CDK13: variants seen among roughly 807,000 people sequenced by gnomAD.
CDK13 encodes cyclin-dependent kinase 13.
A neutral mutation model predicts 137.6 loss-of-function variants in CDK13; 40 were observed. The observed-to-expected ratio is 0.29, with a 90% CI of 0.23 to 0.38. CDK13 has a LOEUF of 0.38. Among genes scored for constraint, CDK13 ranks in the 10% least tolerant of loss-of-function variants. The pLI is 1.00. For missense variants in CDK13, 1,704 were observed against 1,951.8 expected (o/e 0.87, Z 2.39); for synonymous variants, 869 against 760.1 (o/e 1.14, Z -2.36).
intron 5 of CDK13, among the ~76,000 whole-genome samples, chr7:40,018,007 G>A (rs952039818): frequency 4.0e-5 from 6 of 149,880 alleles, no homozygotes; most frequent in Middle Eastern, 3.2e-3. Flanking sequence ...ATATTATATC[G>A]CTTTAATTAT....
intron 1 of CDK13, among the ~76,000 whole-genome samples, chr7:39,967,735 C>T (rs1386890158): frequency 3.3e-5 from 5 of 152,206 alleles, no homozygotes; most frequent in Admixed American, 2.0e-4. Flanking sequence ...TTTCTGTATA[C>T]ACTTGCCAAC....
At chr7:39,989,105 A>AG (rs1784404536) in intron 2 of CDK13, among the ~76,000 whole-genome samples, 1 of 122,418 alleles carries the variant, frequency 8.2e-6, no homozygotes, top group Non-Finnish European at 1.5e-5. Context: ...AAAAAAAAAA[A>AG]AAAAAAGAGA....
intron 1 of CDK13, among the ~76,000 whole-genome samples, chr7:39,981,930 C>G (rs113259426): frequency 0.26 from 39,409 of 148,958 alleles, 6,363 homozygotes; most frequent in Middle Eastern, 0.44. Context: ...TAGCTGGGAC[C>G]ACAGGCGCCC....
intron 6 of CDK13, 60 bp from the exon 7 acceptor site, chr7:40,047,761 G>T: frequency 9.2e-7 from 1 of 1,085,470 alleles, no homozygotes; most frequent in Non-Finnish European, 1.4e-6. Context: ...GAATATAAAT[G>T]TGTATTGTCA....
intron 1 of CDK13, among the ~76,000 whole-genome samples, chr7:39,981,990 CTTTTTTCTTCT>C (rs1373853276): frequency 8.7e-5 from 13 of 149,594 alleles, no homozygotes; most frequent in South Asian, 2.1e-4. Flanking sequence ...TGTATTTTTT[CTTTTTTCTTCT>C]TTTTTTCTTT....
rs544691937 is a variant in CDK13, at chr7:40,091,115, G to A, written c.3236-1670G>A. 1.7e-3 allele frequency among the ~76,000 whole-genome samples: 252 copies of A among 152,236 alleles called. 1 individual carries two copies. The highest frequency in any genetic ancestry group is 2.8e-3 in the Non-Finnish European group (192 of 68,014). Reference sequence around the variant, plus strand: ...AATCCCAGCACTTTGGGAGGCTGAGGCGGGCGGATCATGAGGTCAGGAGAT... The same window carrying A: ...AATCCCAGCACTTTGGGAGGCTGAGACGGGCGGATCATGAGGTCAGGAGAT... On this transcript the variant is annotated intron_variant, in intron 12 of 13. Coordinates refer to ENST00000181839, the MANE Select transcript of CDK13 (RefSeq NM_003718.5).
At chr7:39,979,450 A>G (rs992637326) in intron 1 of CDK13, among the ~76,000 whole-genome samples, 1 of 152,076 alleles carries the variant, frequency 6.6e-6, no homozygotes, top group East Asian at 1.9e-4. Flanking sequence ...TTCTGCCCTC[A>G]GGTGATCTGC....
intron 1 of CDK13, chr7:39,985,986 CCTT>C (rs1238679867): frequency 4.6e-5 from 7 of 152,206 alleles, no homozygotes; most frequent in African/African-American, 1.7e-4. Context: ...TTCTCTGCCT[CCTT>C]CTGTCAGTGG....
intron 1 of CDK13, among the ~76,000 whole-genome samples, chr7:39,959,470 CTTTT>C (rs879337341): frequency 7.0e-5 from 10 of 143,638 alleles, no homozygotes; most frequent in Non-Finnish European, 1.4e-4. Context: ...CTTTTTCTTT[CTTTT>C]TTTTTTTTAA....
intron 9 of CDK13, chr7:40,069,273 C>T (rs1195283430): frequency 2.2e-6 from 1 of 447,610 alleles, no homozygotes. Context: ...TAAAAAGATG[C>T]TTCAATTTTG....
chr7:40,008,588 A>C (rs1784838379), intron 5 of CDK13, among the ~76,000 whole-genome samples: 2 of 152,202 alleles, frequency 1.3e-5, no homozygotes, highest in Admixed American at 1.3e-4. Context: ...AAGAAGTGAA[A>C]AAACTTAAAC....
At chr7:40,052,095 C>A (rs1304542034) in intron 7 of CDK13, among the ~76,000 whole-genome samples, 1 of 151,936 alleles carries the variant, frequency 6.6e-6, no homozygotes, top group Non-Finnish European at 1.5e-5. Flanking sequence ...TTTATGTGAC[C>A]GTCCTGTATG....
intron 5 of CDK13, among the ~76,000 whole-genome samples, chr7:40,033,102 T>C (rs1785413772): frequency 6.6e-6 from 1 of 152,160 alleles, no homozygotes; most frequent in African/African-American, 2.4e-5. Context: ...ATTATATGTG[T>C]GAGCCACCAT....
In CDK13 at chr7:40,098,408, C is replaced by G. The variant is rs1359893778; in HGVS notation, c.*3428C>G. The G allele has an allele frequency of 6.6e-6, 1 of 150,860 alleles. No individual in the cohort carries two copies. Among genetic ancestry groups the G allele is most frequent in the Non-Finnish European group, 1.5e-5 (1 of 67,752 alleles). The allele number at this position is 150,860 out of a possible 1,614,324, so 9.3% of individuals were successfully genotyped here. On this transcript the variant is annotated 3_prime_UTR_variant, in exon 14 of 14. Transcript: ENST00000181839. ...TTTTTCTTTTTTTAGGGGAAGGGGACTTGCTTTCTTTTCCAAAAAGGTGAA... is the reference window on the plus strand; with the variant it reads ...TTTTTCTTTTTTTAGGGGAAGGGGAGTTGCTTTCTTTTCCAAAAAGGTGAA...
chr7:40,076,348 T>C (rs575436354), intron 9 of CDK13, among the ~76,000 whole-genome samples: 1 of 152,286 alleles, frequency 6.6e-6, no homozygotes, highest in East Asian at 1.9e-4. Context: ...CAGAAGACTT[T>C]TATTAATTAG....
In CDK13 at chr7:39,951,401, A is replaced by AGCG. The variant is rs1787188414; in HGVS notation, c.766_768dup (p.Gly256dup). The AGCG allele has an allele frequency of 2.0e-6, 3 of 1,519,268 alleles. No individual in the cohort carries two copies. Among genetic ancestry groups the AGCG allele is most frequent in the Non-Finnish European group, 2.6e-6 (3 of 1,136,134 alleles). 94.1% of individuals were successfully genotyped at this position (1,519,268 alleles called of 1,614,324 possible). ...CGCCAAGAGCGGCAGCAGCAGCAGC[A>AGCG]GCGGCGGCCGCCGGAAAAGCGCTTC... On this transcript the variant is annotated inframe_insertion, in exon 1 of 14. Transcript: ENST00000181839.
chr7:40,036,762 T>C (rs1003257972), intron 5 of CDK13, among the ~76,000 whole-genome samples: 7 of 151,872 alleles, frequency 4.6e-5, no homozygotes, highest in African/African-American at 1.4e-4. Flanking sequence ...CTCATTGTAT[T>C]ATAAAAGTTA....
chr7:40,021,110 T>TACACACACACACAC (rs1284247106), intron 5 of CDK13, among the ~76,000 whole-genome samples: 13 of 81,948 alleles, frequency 1.6e-4, no homozygotes, highest in African/African-American at 7.0e-4. Context: ...AACGTATATA[T>TACACACACACACAC]ATATATATAT....
intron 1 of CDK13, among the ~76,000 whole-genome samples, chr7:39,963,347 G>T (rs909807577): frequency 4.6e-5 from 7 of 152,132 alleles, no homozygotes; most frequent in African/African-American, 1.7e-4. Context: ...CACATCCCTT[G>T]TAAGTTGGAT....
Sources: gnomAD v4.1 joint callset for allele counts (sites outside exome capture counted in the v4.1 genomes callset) on GRCh38, gnomAD v4.1.1 for gene constraint, MANE v1.5 for transcripts, NCBI Gene and HGNC (gene_info 2026-07-23, HGNC 2026-07-21) for gene names.